The following PCDH17 variants were observed in gnomAD, a reference collection of about 807,000 sequenced individuals.
The protein encoded by PCDH17 is protocadherin 17.
In PCDH17, 21 loss-of-function variants were observed where a neutral mutation model predicts 67.7. That is an observed-to-expected ratio of 0.31 (90% CI 0.22 to 0.45). PCDH17 has a LOEUF of 0.45. Among genes scored for constraint, PCDH17 ranks in the 20% least tolerant of loss-of-function variants. PCDH17 has a pLI of 1.00. For missense variants in PCDH17, 1,471 were observed against 1,564.8 expected (o/e 0.94, Z 1.01); for synonymous variants, 701 against 656.7 (o/e 1.07, Z -1.03).
intron 3 of PCDH17, among the ~76,000 whole-genome samples, chr13:57,675,904 A>G (rs1955386377): frequency 6.6e-6 from 1 of 151,924 alleles, no homozygotes. Context: ...AGAGAAAATG[A>G]GGCCCAGAGT....
intron 3 of PCDH17, among the ~76,000 whole-genome samples, chr13:57,687,205 G>A (rs1383787944): frequency 6.6e-6 from 1 of 151,888 alleles, no homozygotes; most frequent in Non-Finnish European, 1.5e-5. Context: ...ACAACTTTAT[G>A]TTCTGTATTT....
chr13:57,634,880 C>G lies in PCDH17; in HGVS notation c.2334C>G (p.Asn778Lys). 1 of 1,614,002 alleles carries G rather than the reference C, an allele frequency of 6.2e-7. No homozygotes were observed. The highest frequency in any genetic ancestry group is 8.5e-7 in the Non-Finnish European group (1 of 1,180,002). ...MLVQSEVEERNAMNVMNVVSS... is the reference protein window; with the variant it reads ...MLVQSEVEERKAMNVMNVVSS... ...TGCAGAGCGAAGTGGAGGAGAGGAA[C>G]GCCATGAACGTCATGAACGTGGTGA... Residue 778 changes from asparagine (N) to lysine (K), a missense_variant, in exon 1 of 4, where the codon AAC becomes AAG. By Grantham distance (94) the Asn-to-Lys change is moderately conservative (BLOSUM62 0). Around this residue, in one of 3 missense-constraint regions of PCDH17, gnomAD observed 1,163 missense variants for 1,230.0 expected, o/e 0.95. Coordinates refer to ENST00000377918, the MANE Select transcript of PCDH17 (RefSeq NM_001040429.3). The surrounding 1 kb of genome is among the most constrained non-coding windows in gnomAD (Gnocchi z 7.8).
rs771621654 is a variant in PCDH17, at chr13:57,633,208, C to T, written c.662C>T (p.Pro221Leu). The T allele has an allele frequency of 3.1e-6, 5 of 1,613,266 alleles. No individual in the cohort carries two copies. The South Asian group carries it at 3.3e-5, about 11-fold the overall frequency. ...LVLTALDGGE[P>L]PRSATVQINV... The stretch of plus-strand genomic sequence containing the variant: ...CTGACTGCCCTGGACGGTGGCGAGC[C>T]TCCACGTTCCGCCACCGTACAGATC... The change falls in exon 1 of 4, where the codon CCT becomes CTT. Residue 221 changes from proline to leucine, a missense_variant. Coordinates refer to ENST00000377918, the MANE Select transcript of PCDH17 (RefSeq NM_001040429.3). This position sits in a 1 kb window ranked among gnomAD's most constrained non-coding sequence, Gnocchi z 6.2.
At chr13:57,631,256 G>A (rs1954715577), upstream of PCDH17, among the ~76,000 whole-genome samples, 1 of 152,138 alleles carries the variant, frequency 6.6e-6, no homozygotes, top group Admixed American at 6.5e-5. Context: ...GGAAGGAGAT[G>A]CTGAATAGAA....
intron 3 of PCDH17, among the ~76,000 whole-genome samples, chr13:57,692,222 A>C (rs1379219735): frequency 6.6e-6 from 1 of 151,208 alleles, no homozygotes; most frequent in Non-Finnish European, 1.5e-5. Flanking sequence ...TTTATGGATA[A>C]ATAAATGAGA....
intron 1 of PCDH17, among the ~76,000 whole-genome samples, chr13:57,641,944 A>G (rs1391158788): frequency 5.3e-5 from 8 of 151,570 alleles, no homozygotes; most frequent in African/African-American, 1.9e-4. Context: ...ACATAAATAG[A>G]CTTTGGTCTG....
intron 1 of PCDH17, among the ~76,000 whole-genome samples, chr13:57,655,010 A>G (rs1322977648): frequency 6.6e-6 from 1 of 151,980 alleles, no homozygotes; most frequent in Non-Finnish European, 1.5e-5. Flanking sequence ...TACCCAAACT[A>G]TTTATTAATT....
chr13:57,658,467 A>C (rs915334132), intron 1 of PCDH17, among the ~76,000 whole-genome samples: 2 of 152,170 alleles, frequency 1.3e-5, no homozygotes, highest in Non-Finnish European at 2.9e-5. Context: ...AGGTCCTATT[A>C]GTTAATCCTA....
intron 3 of PCDH17, among the ~76,000 whole-genome samples, chr13:57,684,815 T>C (rs1402312022): frequency 3.9e-5 from 6 of 151,984 alleles, no homozygotes; most frequent in Admixed American, 2.0e-4. Context: ...TTTCACTACA[T>C]TTATTACTTA....
intron 3 of PCDH17, among the ~76,000 whole-genome samples, chr13:57,698,314 T>A (rs572493805): frequency 6.6e-6 from 1 of 151,944 alleles, no homozygotes; most frequent in Non-Finnish European, 1.5e-5. Context: ...TTTTTATTCA[T>A]ATGCTTAAGT....
chr13:57,672,071 T>G (rs573339598), intron 3 of PCDH17, among the ~76,000 whole-genome samples: 1 of 152,182 alleles, frequency 6.6e-6, no homozygotes, highest in Non-Finnish European at 1.5e-5. Context: ...GTTTTAAAAT[T>G]TCATAATGAA....
intron 3 of PCDH17, among the ~76,000 whole-genome samples, chr13:57,681,254 G>C (rs1442219279): frequency 6.6e-6 from 1 of 151,696 alleles, no homozygotes; most frequent in African/African-American, 2.4e-5. Flanking sequence ...AAGTGCAAAG[G>C]AGAGTTTGCA....
chr13:57,646,532 A>G (rs894428394), intron 1 of PCDH17, among the ~76,000 whole-genome samples: 1 of 151,772 alleles, frequency 6.6e-6, no homozygotes, highest in Non-Finnish European at 1.5e-5. Flanking sequence ...ATATCAAACC[A>G]TAAGGAGGTT....
chr13:57,662,877 T>C (rs1390300561), intron 1 of PCDH17, among the ~76,000 whole-genome samples: 1 of 152,172 alleles, frequency 6.6e-6, no homozygotes, highest in Non-Finnish European at 1.5e-5. Flanking sequence ...TGCTCACTTG[T>C]TTATTTTCCT....
intron 3 of PCDH17, among the ~76,000 whole-genome samples, chr13:57,708,495 C>A (rs1955741803): frequency 6.6e-6 from 1 of 151,950 alleles, no homozygotes; most frequent in Admixed American, 6.6e-5. Context: ...TTAAATATTA[C>A]AATAGTCATC....
At chr13:57,720,112 A>G (rs1321663950) in intron 3 of PCDH17, among the ~76,000 whole-genome samples, 1 of 152,098 alleles carries the variant, frequency 6.6e-6, no homozygotes, top group Non-Finnish European at 1.5e-5. Context: ...TAATTTCACA[A>G]TGGCTTGATT....
intron 1 of PCDH17, among the ~76,000 whole-genome samples, chr13:57,660,307 AATAG>A (rs1003117437): frequency 6.6e-6 from 1 of 152,146 alleles, no homozygotes; most frequent in African/African-American, 2.4e-5. Context: ...GGTGTGATTA[AATAG>A]ATATTTATAT....
intron 3 of PCDH17, among the ~76,000 whole-genome samples, chr13:57,680,991 T>G (rs1185662748): frequency 6.6e-6 from 1 of 151,764 alleles, no homozygotes; most frequent in East Asian, 1.9e-4. Context: ...TAATTGGTAA[T>G]GTAAAGAAAA....
chr13:57,719,101 A>G (rs1391496422), intron 3 of PCDH17, among the ~76,000 whole-genome samples: 1 of 152,012 alleles, frequency 6.6e-6, no homozygotes, highest in Non-Finnish European at 1.5e-5. Flanking sequence ...ATTAGATATT[A>G]TGAAAGCTTA....
Sources: allele counts gnomAD v4.1 joint callset (sites outside exome capture counted in the v4.1 genomes callset), GRCh38; gene constraint gnomAD v4.1.1; regional missense constraint gnomAD v4.1.1; non-coding constraint Gnocchi (gnomAD v3.1); transcripts MANE v1.5; gene names NCBI Gene and HGNC (gene_info 2026-07-23, HGNC 2026-07-21).